RIT2: variants seen among roughly 807,000 people sequenced by gnomAD.
RIT2 encodes Ras like without CAAX 2, also known as GTP-binding protein Rit2.
In RIT2, 24 loss-of-function variants were observed where a neutral mutation model predicts 23.7. The observed-to-expected ratio is 1.01, with a 90% confidence interval of 0.73 to 1.43. The LOEUF is 1.43. Among genes scored for constraint, RIT2 ranks in the 40% most tolerant of loss-of-function variants. The pLI is 0.00. For synonymous variants in RIT2, 107 were observed against 91.1 expected (o/e 1.17, Z -0.99); for missense variants, 236 against 266.9 (o/e 0.88, Z 0.81).
At chr18:42,920,810 C>T (rs750906667) in intron 4 of RIT2, 1 of 1,184,878 alleles carries the variant, frequency 8.4e-7, no homozygotes, top group South Asian at 1.2e-5. Context: ...CTTTGCCTCT[C>T]ACCACTAAAC....
chr18:42,796,795 G>A (rs1338681363), intron 4 of RIT2, among the ~76,000 whole-genome samples: 2 of 152,148 alleles, frequency 1.3e-5, no homozygotes, highest in East Asian at 1.9e-4. Flanking sequence ...TCTTCCAGAA[G>A]ACTCAGTTGC....
At chr18:42,956,478 A>G (rs1327968499) in intron 3 of RIT2, among the ~76,000 whole-genome samples, 1 of 152,184 alleles carries the variant, frequency 6.6e-6, no homozygotes, top group Non-Finnish European at 1.5e-5. Context: ...TTAGAGATAA[A>G]TGAAACATGT....
At chr18:42,811,240 A>G (rs1031304194) in intron 4 of RIT2, among the ~76,000 whole-genome samples, 1 of 152,120 alleles carries the variant, frequency 6.6e-6, no homozygotes, top group African/African-American at 2.4e-5. Flanking sequence ...TTGATTCTTG[A>G]GTATTATCCA....
intron 3 of RIT2, among the ~76,000 whole-genome samples, chr18:42,951,401 A>C (rs1329502134): frequency 6.6e-6 from 1 of 151,896 alleles, no homozygotes; most frequent in Admixed American, 6.6e-5. Context: ...TAAAGATACC[A>C]ACAGTAGATA....
At chr18:42,986,758 T>TA (rs1910719684) in intron 2 of RIT2, among the ~76,000 whole-genome samples, 1 of 152,122 alleles carries the variant, frequency 6.6e-6, no homozygotes, top group South Asian at 2.1e-4. Context: ...TGACTTGGCC[T>TA]CCCAAAGTGC....
chr18:42,891,975 C>T (rs1377637040), intron 4 of RIT2, among the ~76,000 whole-genome samples: 1 of 151,836 alleles, frequency 6.6e-6, no homozygotes, highest in Non-Finnish European at 1.5e-5. Context: ...ATAGGAGAGG[C>T]TTTGTATGTG....
chr18:42,754,891 T>C (rs907018114), intron 4 of RIT2, among the ~76,000 whole-genome samples: 9 of 152,320 alleles, frequency 5.9e-5, no homozygotes, highest in Non-Finnish European at 1.3e-4. Flanking sequence ...TTTGCTATAT[T>C]GTGGGCTTCG....
intron 1 of RIT2, among the ~76,000 whole-genome samples, chr18:43,112,145 T>G (rs1819868662): frequency 6.6e-6 from 1 of 152,190 alleles, no homozygotes; most frequent in Non-Finnish European, 1.5e-5. Context: ...AAATGCATTA[T>G]CAATGGATCT....
intron 1 of RIT2, among the ~76,000 whole-genome samples, chr18:43,115,014 T>C (rs1914035300): frequency 6.6e-6 from 1 of 152,210 alleles, no homozygotes; most frequent in Non-Finnish European, 1.5e-5. Context: ...AGTATATGTC[T>C]GTGTTTGTAA....
chr18:43,007,442 G>A (rs1911252879), intron 2 of RIT2, among the ~76,000 whole-genome samples: 1 of 151,714 alleles, frequency 6.6e-6, no homozygotes, highest in African/African-American at 2.4e-5. Flanking sequence ...ACTATGCCTA[G>A]CACACAGGTT....
intron 3 of RIT2, among the ~76,000 whole-genome samples, chr18:42,956,231 A>C (rs566114655): frequency 2.0e-5 from 3 of 152,080 alleles, no homozygotes; most frequent in East Asian, 3.9e-4. Context: ...CTCTACCCAC[A>C]CTCCACATCT....
chr18:43,015,534 G>C (rs1911454550), intron 2 of RIT2, among the ~76,000 whole-genome samples: 1 of 151,660 alleles, frequency 6.6e-6, no homozygotes, highest in African/African-American at 2.4e-5. Flanking sequence ...AGAAATTTTG[G>C]AGTCAGAGAC....
At chr18:42,845,406 A>C (rs1391842223) in intron 4 of RIT2, among the ~76,000 whole-genome samples, 3 of 150,654 alleles carry the variant, frequency 2.0e-5, no homozygotes, top group African/African-American at 7.3e-5. Flanking sequence ...TATATGTATA[A>C]ATTTTCTATA....
At chr18:43,105,520 A>AC in intron 1 of RIT2, among the ~76,000 whole-genome samples, 1 of 73,562 alleles carries the variant, frequency 1.4e-5, no homozygotes, top group African/African-American at 4.7e-5. Flanking sequence ...GAGGGAGGGA[A>AC]TGAGCAGTTT....
At position 42,812,255 on chromosome 18, in the gene RIT2, A is replaced by G. The variant is rs144544525; in HGVS notation, c.427-68535T>C. Among the ~76,000 whole-genome samples the G allele has an allele frequency of 5.5e-4, 83 of 152,288 alleles. 1 individual carries two copies. The South Asian group carries it at 7.7e-3, about 14-fold the overall frequency. ...TTTAAAGGCTAGTGTACATGTCTCC[A>G]TATTCCCATTTTCCTGCGTTGAACA... On this transcript the variant is annotated intron_variant, in intron 4 of 4. Coordinates refer to ENST00000326695, the MANE Select transcript of RIT2 (RefSeq NM_002930.4).
At chr18:43,060,311 C>T (rs1010730266) in intron 1 of RIT2, among the ~76,000 whole-genome samples, 3 of 152,106 alleles carry the variant, frequency 2.0e-5, no homozygotes, top group African/African-American at 4.8e-5. Context: ...CAGCCAAGCA[C>T]ATTTGATGTT....
rs1003127586 is a variant in RIT2, at chr18:42,902,694, T to C, written c.426+20878A>G. Among the ~76,000 whole-genome samples the C allele has an allele frequency of 6.6e-5, 10 of 151,766 alleles. No individual in the cohort carries two copies. In the East Asian group the frequency reaches 1.7e-3, roughly 26 times the overall value. The stretch of plus-strand genomic sequence containing the variant: ...TTCAGAAAAAAAATAAATATGTTTG[T>C]GGAAAACTGGGGGTTAACTTAATAG... On this transcript the variant is annotated intron_variant, in intron 4 of 4. Transcript: ENST00000326695.
intron 4 of RIT2, among the ~76,000 whole-genome samples, chr18:42,893,867 A>AT (rs570696032): frequency 5.3e-5 from 8 of 152,152 alleles, no homozygotes; most frequent in Non-Finnish European, 1.2e-4. Context: ...GTTAAAACTC[A>AT]TTTTTTTTAA....
At chr18:43,028,851 G>A (rs1911790985) in intron 2 of RIT2, among the ~76,000 whole-genome samples, 1 of 152,050 alleles carries the variant, frequency 6.6e-6, no homozygotes, top group African/African-American at 2.4e-5. Flanking sequence ...ACACAAAGGA[G>A]TGACTCTATT....
Sources: allele counts gnomAD v4.1 joint callset (sites outside exome capture counted in the v4.1 genomes callset), GRCh38; gene constraint gnomAD v4.1.1; transcripts MANE v1.5; gene names NCBI Gene and HGNC (gene_info 2026-07-23, HGNC 2026-07-21).